SIK2: variants seen among roughly 807,000 people sequenced by gnomAD.
The protein encoded by SIK2 is serine/threonine-protein kinase SIK2.
In SIK2, 29 loss-of-function variants were observed where a neutral mutation model predicts 103.2. That is an observed-to-expected ratio of 0.28 (90% CI 0.21 to 0.38). The LOEUF is 0.38. Among genes scored for constraint, SIK2 ranks in the 10% least tolerant of loss-of-function variants. The pLI, the probability that SIK2 is intolerant of heterozygous loss-of-function variation, is 1.00. For missense variants in SIK2, 879 were observed against 1,171.0 expected, an observed-to-expected ratio of 0.75 and a Z score of 3.64; for synonymous variants, 412 against 446.1, an observed-to-expected ratio of 0.92 and a Z score of 0.96.
At chr11:111,648,582 T>C (rs1942288307) in intron 3 of SIK2, among the ~76,000 whole-genome samples, 1 of 152,006 alleles carries the variant, frequency 6.6e-6, no homozygotes, top group Admixed American at 6.6e-5. Flanking sequence ...GACCATAGCA[T>C]ATAATATGGG....
chr11:111,717,197 T>A lies in SIK2; in HGVS notation c.1267-2578T>A, dbSNP rs186499722. On this transcript the variant is annotated intron_variant, in intron 9 of 14. Coordinates refer to ENST00000304987, the MANE Select transcript of SIK2 (RefSeq NM_015191.3). ...CGGGCGTGGTGATGGGCGCCTGTAG[T>A]CCCAGCTACTCGGGAGGCTGAGGCA... is the stretch of plus-strand genomic sequence containing the variant. Among the ~76,000 whole-genome samples the A allele has an allele frequency of 6.6e-3, 1,002 of 151,644 alleles. 8 individuals are homozygous for A. Among genetic ancestry groups the A allele is most frequent in the Middle Eastern group, 0.062 (18 of 290 alleles).
chr11:111,659,028 A>G (rs1942432519), intron 3 of SIK2, among the ~76,000 whole-genome samples: 1 of 152,206 alleles, frequency 6.6e-6, no homozygotes, highest in Non-Finnish European at 1.5e-5. Flanking sequence ...CCTTTGTATT[A>G]ATACTATCTA....
Position 111,624,239 on chromosome 11 carries a change from A to T in SIK2, c.316+3837A>T, listed in dbSNP as rs577003128. ...ATTTGCAGTAGGATTCTAAATAAATAGTTCTGACTAAACTCATTGTATTTC... is the reference window on the plus strand; with the variant it reads ...ATTTGCAGTAGGATTCTAAATAAATTGTTCTGACTAAACTCATTGTATTTC... On this transcript the variant is annotated intron_variant, in intron 3 of 14. Coordinates refer to ENST00000304987, the MANE Select transcript of SIK2 (RefSeq NM_015191.3). Among the ~76,000 whole-genome samples the T allele has an allele frequency of 2.9e-4, 44 of 152,338 alleles. No individual in the cohort carries two copies. The South Asian group carries it at 9.1e-3, about 32-fold the overall frequency.
chr11:111,688,238 G>A lies in SIK2; in HGVS notation c.478+76G>A. On this transcript the variant is annotated intron_variant, in intron 4 of 14. Coordinates refer to ENST00000304987, the MANE Select transcript of SIK2 (RefSeq NM_015191.3). The surrounding 1 kb of genome is among the most constrained non-coding windows in gnomAD (Gnocchi z 4.2). ...TCAGTGTGTGGAAACAGACCTGCAG[G>A]CGCAGATTCAGCAGCATTTCTACCT... 1 of 1,469,310 alleles carries A rather than the reference G, an allele frequency of 6.8e-7. No individual in the cohort carries two copies. Among genetic ancestry groups the A allele is most frequent in the Non-Finnish European group, 9.5e-7 (1 of 1,057,824 alleles). 91.0% of individuals were successfully genotyped at this position (1,469,310 alleles called of 1,614,324 possible).
At chr11:111,654,493 T>C (rs1942366354) in intron 3 of SIK2, among the ~76,000 whole-genome samples, 1 of 152,238 alleles carries the variant, frequency 6.6e-6, no homozygotes, top group African/African-American at 2.4e-5. Context: ...CTTTTTCTTA[T>C]TTCTTGACTC....
At chr11:111,709,056 A>G (rs1943426025) in intron 8 of SIK2, among the ~76,000 whole-genome samples, 1 of 152,244 alleles carries the variant, frequency 6.6e-6, no homozygotes, top group African/African-American at 2.4e-5. Context: ...GGCTGCCGTA[A>G]CGAAATACCA....
Position 111,723,814 on chromosome 11 carries a change from G to GCCA in SIK2, c.2468_2469insACC (p.Pro832dup). 6.2e-7 allele frequency: 1 copy of GCCA among 1,612,668 alleles called. No homozygotes were observed. The highest frequency in any genetic ancestry group is 8.5e-7 in the Non-Finnish European group (1 of 1,179,824). On this transcript the variant is annotated inframe_insertion, in exon 15 of 15. Transcript: ENST00000304987. ...TGCCCACGCAGCTACAGCAGCAGCAGCCGCCACCGCCACCACCCCCTCCAC... is the reference window on the plus strand; with the variant it reads ...TGCCCACGCAGCTACAGCAGCAGCAGCCACCGCCACCGCCACCACCCCCTCCAC...
At chr11:111,626,792 CTG>C (rs1941967270) in intron 3 of SIK2, among the ~76,000 whole-genome samples, 1 of 151,772 alleles carries the variant, frequency 6.6e-6, no homozygotes, top group African/African-American at 2.4e-5. Flanking sequence ...GTACTGTACT[CTG>C]TTATCATGTA....
At chr11:111,614,274 G>A (rs1335316842) in intron 1 of SIK2, among the ~76,000 whole-genome samples, 1 of 152,006 alleles carries the variant, frequency 6.6e-6, no homozygotes, top group Non-Finnish European at 1.5e-5. Context: ...AGTAGAGACA[G>A]CGTTTCACCA....
At position 111,705,435 on chromosome 11, in the gene SIK2, G is replaced by T. The variant is rs560088966; in HGVS notation, c.1101+296G>T. On this transcript the variant is annotated intron_variant, in intron 8 of 14. Transcript: ENST00000304987. The surrounding 1 kb of genome is among the most constrained non-coding windows in gnomAD (Gnocchi z 4.3). ...CAAATTTTTATTACAGATTTACCAC[G>T]TGCGAGCTTCTATTCTTAGGCACTG... is the stretch of plus-strand genomic sequence containing the variant. Among the ~76,000 whole-genome samples the T allele has an allele frequency of 1.3e-5, 2 of 152,068 alleles. No homozygotes were observed. The highest frequency in any genetic ancestry group is 2.9e-5 in the Non-Finnish European group (2 of 68,036).
In SIK2 at chr11:111,606,497, G is replaced by A. The variant is rs574374782; in HGVS notation, c.135+3799G>A. Reference sequence around the variant, plus strand: ...TTCTACTTAATATTATAACCTAGGCGTTTTGTTTATTATATATAACTTTAT... The same window carrying A: ...TTCTACTTAATATTATAACCTAGGCATTTTGTTTATTATATATAACTTTAT... On this transcript the variant is annotated intron_variant, in intron 1 of 14. Coordinates refer to ENST00000304987, the MANE Select transcript of SIK2 (RefSeq NM_015191.3). 4.6e-5 allele frequency among the ~76,000 whole-genome samples: 7 copies of A among 151,932 alleles called. No individual in the cohort carries two copies. In the East Asian group the frequency reaches 5.8e-4, roughly 13 times the overall value.
intron 9 of SIK2, among the ~76,000 whole-genome samples, chr11:111,719,356 C>CT (rs10595659): frequency 1.2e-4 from 14 of 118,854 alleles, no homozygotes; most frequent in African/African-American, 4.4e-4. Flanking sequence ...GTGACTACCC[C>CT]TTTTTTTTTT....
At chr11:111,693,542 T>C (rs1346909466) in intron 4 of SIK2, among the ~76,000 whole-genome samples, 2 of 152,228 alleles carry the variant, frequency 1.3e-5, no homozygotes, top group Middle Eastern at 3.2e-3. Context: ...GTTCAGGCAT[T>C]AAGTTGAGAA....
chr11:111,664,616 A>G, intron 3 of SIK2, among the ~76,000 whole-genome samples: 1 of 152,182 alleles, frequency 6.6e-6, no homozygotes, highest in East Asian at 1.9e-4. Flanking sequence ...ACTCCATCTC[A>G]AAGAAAAAGA....
At chr11:111,703,981 T>C (rs1421384777) in intron 7 of SIK2, among the ~76,000 whole-genome samples, 1 of 152,190 alleles carries the variant, frequency 6.6e-6, no homozygotes, top group Non-Finnish European at 1.5e-5. Context: ...AGCATACTTA[T>C]AGGATATACG....
In SIK2 at chr11:111,712,310, T is replaced by C. The variant is rs1943522040; in HGVS notation, c.1201T>C (p.Phe401Leu). ...GGCATCCAACGTGGAGGCCTTTTCATTTCCAGCATCTGGCTGTCAGGCGGA... is the reference window on the plus strand; with the variant it reads ...GGCATCCAACGTGGAGGCCTTTTCACTTCCAGCATCTGGCTGTCAGGCGGA... ...PQASNVEAFSFPASGCQAEAA... is the reference protein window; with the variant it reads ...PQASNVEAFSLPASGCQAEAA... Residue 401 changes from phenylalanine to leucine, a missense_variant, in exon 9 of 15, where the codon TTT becomes CTT. Physicochemically the swap from Phe to Leu is conservative, Grantham distance 22 (BLOSUM62 0). This residue lies in a region of SIK2 where 222 missense variants were observed against 258.0 expected (regional missense o/e 0.86). Coordinates refer to ENST00000304987, the MANE Select transcript of SIK2 (RefSeq NM_015191.3). 5 of 1,614,106 alleles carry C rather than the reference T, an allele frequency of 3.1e-6. No individual in the cohort carries two copies. Among genetic ancestry groups the C allele is most frequent in the Non-Finnish European group, 4.2e-6 (5 of 1,180,044 alleles).
chr11:111,653,073 A>G (rs960639074), intron 3 of SIK2, among the ~76,000 whole-genome samples: 1 of 152,172 alleles, frequency 6.6e-6, no homozygotes, highest in South Asian at 2.1e-4. Context: ...AAGCTTTTCA[A>G]GGTGATTCTT....
At chr11:111,652,031 G>A (rs1228098281) in intron 3 of SIK2, among the ~76,000 whole-genome samples, 1 of 152,138 alleles carries the variant, frequency 6.6e-6, no homozygotes, top group Non-Finnish European at 1.5e-5. Context: ...TATGATTGAA[G>A]ATAATACATC....
chr11:111,604,521 G>C (rs1463717036), intron 1 of SIK2, among the ~76,000 whole-genome samples: 1 of 152,196 alleles, frequency 6.6e-6, no homozygotes, highest in Non-Finnish European at 1.5e-5. Context: ...TGGAGTGATT[G>C]ACACTTTGAG....
Sources: gnomAD v4.1 joint callset for allele counts (sites outside exome capture counted in the v4.1 genomes callset) on GRCh38, gnomAD v4.1.1 for gene constraint, gnomAD v4.1.1 regional missense constraint, Gnocchi (gnomAD v3.1) non-coding constraint, MANE v1.5 for transcripts, NCBI Gene and HGNC (gene_info 2026-07-23, HGNC 2026-07-21) for gene names.